Variants in CRPPA observed in about 807,000 individuals in gnomAD.
The protein encoded by CRPPA is D-ribitol-5-phosphate cytidylyltransferase.
In CRPPA, 43 loss-of-function variants were observed where a neutral mutation model predicts 52.0. That is an observed-to-expected ratio of 0.83 (90% CI 0.65 to 1.07). The LOEUF (loss-of-function observed/expected upper bound fraction) is 1.07, where lower values mean the gene tolerates loss of function less well. Ranked by LOEUF, CRPPA falls within the 50% of genes least tolerant of loss-of-function variation. The pLI, the probability that CRPPA is intolerant of heterozygous loss-of-function variation, is 0.00. For missense variants in CRPPA, 629 were observed against 551.7 expected, an observed-to-expected ratio of 1.14 and a Z score of -1.40; for synonymous variants, 250 against 203.5, an observed-to-expected ratio of 1.23 and a Z score of -1.94.
At chr7:16,286,929 A>G (rs1304951958) in intron 5 of CRPPA, among the ~76,000 whole-genome samples, 1 of 152,190 alleles carries the variant, frequency 6.6e-6, no homozygotes, top group Non-Finnish European at 1.5e-5. Context: ...GTTTATTCAG[A>G]GCTGATATCT....
chr7:16,261,718 C>G (rs193217118), intron 6 of CRPPA, among the ~76,000 whole-genome samples: 1 of 152,112 alleles, frequency 6.6e-6, no homozygotes, highest in East Asian at 1.9e-4. Context: ...CACTGTGCCA[C>G]TATTTTTAAT....
At chr7:16,242,101 C>T (rs1213585476) in intron 8 of CRPPA, among the ~76,000 whole-genome samples, 3 of 151,326 alleles carry the variant, frequency 2.0e-5, no homozygotes, top group East Asian at 1.9e-4. Context: ...ACTACAGGCA[C>T]CCGCCACCAC....
chr7:16,378,050 T>G (rs1030054360), intron 2 of CRPPA, among the ~76,000 whole-genome samples: 3 of 152,178 alleles, frequency 2.0e-5, no homozygotes, highest in African/African-American at 7.2e-5. Context: ...TAGTGCACTG[T>G]GCCCACCCAC....
chr7:16,176,526 TA>T (rs1334034373), intron 9 of CRPPA, among the ~76,000 whole-genome samples: 1 of 152,176 alleles, frequency 6.6e-6, no homozygotes, highest in Non-Finnish European at 1.5e-5. Flanking sequence ...TAGTAAGTGC[TA>T]TTGTAGGCAT....
At chr7:16,251,022 T>C (rs1053116029) in intron 8 of CRPPA, among the ~76,000 whole-genome samples, 5 of 150,450 alleles carry the variant, frequency 3.3e-5, no homozygotes, top group Non-Finnish European at 5.9e-5. Context: ...AATAAAAGGA[T>C]AGATGAAGAT....
intron 8 of CRPPA, among the ~76,000 whole-genome samples, chr7:16,241,970 T>TTTTTTTTTTTTTTTTTTTTTTG (rs1241010922): frequency 9.5e-6 from 1 of 104,896 alleles, no homozygotes; most frequent in Non-Finnish European, 1.9e-5. Flanking sequence ...TTTTTTTTTG[T>TTTTTTTTTTTTTTTTTTTTTTG]TGGGGGGAGA....
chr7:16,397,669 TCAC>T (rs200190998), intron 2 of CRPPA, among the ~76,000 whole-genome samples: 3,039 of 151,994 alleles, frequency 0.02, 92 homozygotes, highest in African/African-American at 0.07. Flanking sequence ...GACTAAGACG[TCAC>T]CGACAAACAC....
chr7:16,421,144 ATCC>A lies in CRPPA; in HGVS notation c.176_178del (p.Arg59del). ...GAATTGCTTCGGGGTGGGGACCCCC[ATCC>A]TCTCCCCGCACCCCCCGGCAGGCAA... On this transcript the variant is annotated inframe_deletion, in exon 1 of 10. Coordinates refer to ENST00000407010, the MANE Select transcript of CRPPA (RefSeq NM_001101426.4). 1 of 1,332,566 alleles carries A rather than the reference ATCC, an allele frequency of 7.5e-7. No individual in the cohort carries two copies. The allele number at this position is 1,332,566 out of a possible 1,614,324, so 82.5% of individuals were successfully genotyped here.
intron 3 of CRPPA, among the ~76,000 whole-genome samples, chr7:16,324,021 C>T (rs1381070344): frequency 6.6e-6 from 1 of 152,168 alleles, no homozygotes; most frequent in East Asian, 1.9e-4. Context: ...TAGGAGGAAG[C>T]AGAGAAGATG....
chr7:16,310,259 C>T lies in CRPPA; in HGVS notation c.685-1632G>A, dbSNP rs113374161. The stretch of plus-strand genomic sequence containing the variant: ...CTCCCTAGACTTGGCCCCCCGAAAA[C>T]AGTGTCTAACAGCCTTCTGCCAAGG... On this transcript the variant is annotated intron_variant, in intron 3 of 9. Coordinates refer to ENST00000407010, the MANE Select transcript of CRPPA (RefSeq NM_001101426.4). Among the ~76,000 whole-genome samples the T allele has an allele frequency of 8.1e-3, 1,239 of 152,094 alleles. 25 individuals are homozygous for T. The highest frequency in any genetic ancestry group is 0.029 in the African/African-American group (1,207 of 41,438).
chr7:16,212,147 C>T (rs543455364), intron 9 of CRPPA, among the ~76,000 whole-genome samples: 58 of 152,072 alleles, frequency 3.8e-4, no homozygotes, highest in Non-Finnish European at 5.1e-4. Context: ...CAAAAGAAAA[C>T]GTAGAATTCA....
At chr7:16,327,563 G>A (rs972066109) in intron 3 of CRPPA, among the ~76,000 whole-genome samples, 5 of 130,766 alleles carry the variant, frequency 3.8e-5, no homozygotes, top group African/African-American at 8.7e-5. Context: ...ACTGCAGTCC[G>A]CAGTCCGGCC....
intron 3 of CRPPA, among the ~76,000 whole-genome samples, chr7:16,367,737 T>C (rs546125188): frequency 2.0e-5 from 3 of 152,318 alleles, no homozygotes; most frequent in African/African-American, 4.8e-5. Flanking sequence ...TTTAATTTTA[T>C]AGCTATTATA....
At chr7:16,148,836 GAATA>G (rs1280329359) in intron 9 of CRPPA, among the ~76,000 whole-genome samples, 1 of 152,022 alleles carries the variant, frequency 6.6e-6, no homozygotes, top group Non-Finnish European at 1.5e-5. Flanking sequence ...CCAACACAAA[GAATA>G]GATAAAAGGC....
chr7:16,295,600 G>C (rs1202421235), intron 5 of CRPPA, among the ~76,000 whole-genome samples: 3 of 152,068 alleles, frequency 2.0e-5, no homozygotes, highest in African/African-American at 7.2e-5. Flanking sequence ...GAAAATAAAT[G>C]CAATAGTTTA....
chr7:16,216,282 C>A, intron 8 of CRPPA, 85 bp from the exon 9 acceptor site: 1 of 801,342 alleles, frequency 1.2e-6, no homozygotes, highest in Non-Finnish European at 1.9e-6. Flanking sequence ...GCTCAAAACC[C>A]ATATGATTAC....
intron 5 of CRPPA, among the ~76,000 whole-genome samples, chr7:16,294,113 C>A (rs1209204925): frequency 6.6e-6 from 1 of 151,776 alleles, no homozygotes; most frequent in Non-Finnish European, 1.5e-5. Flanking sequence ...AGTATATATT[C>A]TCTAAGTTAG....
At chr7:16,322,913 C>A (rs1305457476) in intron 3 of CRPPA, among the ~76,000 whole-genome samples, 1 of 152,064 alleles carries the variant, frequency 6.6e-6, no homozygotes, top group East Asian at 1.9e-4. Context: ...GCAGAAGGTA[C>A]CCCTTCACAG....
intron 5 of CRPPA, among the ~76,000 whole-genome samples, chr7:16,282,722 C>G (rs1222649394): frequency 6.6e-6 from 1 of 152,006 alleles, no homozygotes; most frequent in Non-Finnish European, 1.5e-5. Flanking sequence ...GTGAGCAAAA[C>G]ATAAGGATGT....
Sources: gnomAD v4.1 joint callset for allele counts (sites outside exome capture counted in the v4.1 genomes callset) on GRCh38, gnomAD v4.1.1 for gene constraint, MANE v1.5 for transcripts, NCBI Gene and HGNC (gene_info 2026-07-23, HGNC 2026-07-21) for gene names.